CCDC3: variants seen among roughly 807,000 people sequenced by gnomAD.
The protein encoded by CCDC3 is coiled-coil domain containing 3.
A neutral mutation model predicts 21.4 loss-of-function variants in CCDC3; 24 were observed. The observed-to-expected ratio is 1.12, with a 90% CI of 0.81 to 1.58. CCDC3 has a LOEUF of 1.58. Ranked by LOEUF, CCDC3 falls within the 40% of genes most tolerant of loss-of-function variation. The pLI, the probability that CCDC3 is intolerant of heterozygous loss-of-function variation, is 0.00. For synonymous variants in CCDC3, 186 were observed against 166.0 expected (o/e 1.12, Z -0.93); for missense variants, 425 against 360.9 (o/e 1.18, Z -1.44).
chr10:12,957,691 T>C (rs530214796), intron 2 of CCDC3, among the ~76,000 whole-genome samples: 2 of 152,290 alleles, frequency 1.3e-5, no homozygotes, highest in Non-Finnish European at 1.5e-5. Flanking sequence ...CCTACCTCCC[T>C]CGTTGTTCTG....
chr10:12,919,958 C>T (rs116286959), intron 2 of CCDC3, among the ~76,000 whole-genome samples: 1 of 152,034 alleles, frequency 6.6e-6, no homozygotes, highest in East Asian at 1.9e-4. Flanking sequence ...GCTCCCCAGC[C>T]ACCAGTCACA....
chr10:12,986,076 C>T (rs115756429), intron 2 of CCDC3, among the ~76,000 whole-genome samples: 4,844 of 152,280 alleles, frequency 0.032, 271 homozygotes, highest in African/African-American at 0.11. Flanking sequence ...GACAGGATTA[C>T]AGGCGTGAGC....
intron 5 of CCDC3, among the ~76,000 whole-genome samples, chr10:13,047,755 G>A (rs1457900854): frequency 1.3e-5 from 2 of 152,110 alleles, no homozygotes; most frequent in Non-Finnish European, 2.9e-5. Flanking sequence ...CTCTCCAGAG[G>A]GACTAAGGCC....
At chr10:12,916,635 T>C (rs915610134) in intron 2 of CCDC3, among the ~76,000 whole-genome samples, 2 of 150,282 alleles carry the variant, frequency 1.3e-5, no homozygotes, top group African/African-American at 4.9e-5. Flanking sequence ...AAAAAAAAAA[T>C]TGCCAGCCTG....
Position 12,898,455 on chromosome 10 carries a change from A to T in CCDC3, c.774T>A (p.Asn258Lys), listed in dbSNP as rs10906249. 1.2e-6 allele frequency: 2 copies of T among 1,610,726 alleles called. No individual in the cohort carries two copies. Among genetic ancestry groups the T allele is most frequent in the South Asian group, 2.2e-5 (2 of 90,990 alleles). Residue 258 changes from asparagine (N) to lysine (K), a missense_variant, in exon 3 of 3, where the codon AAT becomes AAA. Asn to Lys is a moderately conservative substitution (Grantham distance 94). Coordinates refer to ENST00000378825, the MANE Select transcript of CCDC3 (RefSeq NM_031455.4). ...KLAAGALPHI[N>K]ARGPVRPPYL... ...AGGGGGGGCGCACGGGCCCCCGGGC[A>T]TTGATGTGCGGCAGCGCGCCCGCCG... is the stretch of plus-strand genomic sequence containing the variant.
chr10:12,943,277 C>T (rs908626273), intron 2 of CCDC3, among the ~76,000 whole-genome samples: 2 of 152,018 alleles, frequency 1.3e-5, no homozygotes, highest in Admixed American at 6.5e-5. Context: ...TCTAAGCACC[C>T]CCCCGCAAAC....
chr10:13,028,121 A>G (rs1397770240), intron 5 of CCDC3, among the ~76,000 whole-genome samples: 1 of 152,198 alleles, frequency 6.6e-6, no homozygotes, highest in Non-Finnish European at 1.5e-5. Flanking sequence ...GTCTTGAATT[A>G]CAGCTCCCAT....
At chr10:12,963,872 C>A (rs1835217843) in intron 2 of CCDC3, among the ~76,000 whole-genome samples, 1 of 152,130 alleles carries the variant, frequency 6.6e-6, no homozygotes, top group African/African-American at 2.4e-5. Context: ...CGTGAGCCAC[C>A]AAGCCTGGCC....
At chr10:12,947,152 T>G (rs1564294411) in intron 2 of CCDC3, among the ~76,000 whole-genome samples, 4 of 151,716 alleles carry the variant, frequency 2.6e-5, no homozygotes, top group Non-Finnish European at 4.4e-5. Flanking sequence ...ACTTTTTTTT[T>G]TTTTTGTTTT....
chr10:12,929,802 G>A (rs1227348347), intron 2 of CCDC3, among the ~76,000 whole-genome samples: 1 of 152,140 alleles, frequency 6.6e-6, no homozygotes, highest in Non-Finnish European at 1.5e-5. Context: ...GTAGTTTAAT[G>A]CAATGGGGCG....
At chr10:12,973,569 G>A (rs977152219) in intron 2 of CCDC3, among the ~76,000 whole-genome samples, 2 of 152,206 alleles carry the variant, frequency 1.3e-5, no homozygotes, top group South Asian at 2.1e-4. Flanking sequence ...AAGGTCATAC[G>A]CAGTGATTAC....
intron 2 of CCDC3, among the ~76,000 whole-genome samples, chr10:12,986,945 CAGTAT>C (rs139921468): frequency 0.013 from 1,904 of 152,220 alleles, 46 homozygotes; most frequent in African/African-American, 0.043. Context: ...ACACCACACA[CAGTAT>C]AGTCACAAAT....
At chr10:12,970,515 C>T (rs769724848) in intron 2 of CCDC3, among the ~76,000 whole-genome samples, 25 of 152,216 alleles carry the variant, frequency 1.6e-4, no homozygotes, top group Middle Eastern at 3.4e-3. Flanking sequence ...CATTCTACAA[C>T]GTATACATAT....
At chr10:12,989,525 G>T (rs565909266) in intron 2 of CCDC3, among the ~76,000 whole-genome samples, 1 of 152,136 alleles carries the variant, frequency 6.6e-6, no homozygotes, top group South Asian at 2.1e-4. Context: ...GGGTTCAAGC[G>T]ACTCTCATGC....
chr10:13,067,547 T>C (rs976220100), intron 4 of CCDC3, among the ~76,000 whole-genome samples: 2 of 152,182 alleles, frequency 1.3e-5, no homozygotes, highest in Non-Finnish European at 2.9e-5. Context: ...GTATGGTGAG[T>C]AGCAAACCTT....
At chr10:12,991,592 C>T (rs1835683808) in intron 2 of CCDC3, among the ~76,000 whole-genome samples, 1 of 152,134 alleles carries the variant, frequency 6.6e-6, no homozygotes, top group Non-Finnish European at 1.5e-5. Flanking sequence ...CCTCAGCCCC[C>T]CAAATTGCTG....
chr10:12,901,545 G>T (rs1834091952), intron 2 of CCDC3, among the ~76,000 whole-genome samples: 1 of 152,094 alleles, frequency 6.6e-6, no homozygotes, highest in East Asian at 1.9e-4. Flanking sequence ...AGTGCTGGGA[G>T]TACAGGCGTA....
rs547817026 is a variant in CCDC3 at position 13,076,848 on chromosome 10, T to G, written c.-502-2748A>C. 5.9e-5 allele frequency among the ~76,000 whole-genome samples: 9 copies of G among 152,298 alleles called. No homozygotes were observed. The East Asian group carries it at 1.5e-3, about 26-fold the overall frequency. On this transcript the variant is annotated intron_variant, in intron 3 of 6. Coordinates refer to the CCDC3 transcript ENST00000378839. ...TTGTCAGCCAATCGGGTTCAGTTTA[T>G]ATTGTGAGGTCTGGCTCCAGCCAAT...
rs574835150 is a variant in CCDC3 at position 13,079,084 on chromosome 10, C to T, written c.-502-4984G>A. On this transcript the variant is annotated intron_variant, in intron 3 of 6. Coordinates refer to the CCDC3 transcript ENST00000378839. ...CCATTATTCCATCTGCGAGGAGCAC[C>T]CTTTCTGCAGAAAGTAAAATTACCT... 3.9e-5 allele frequency among the ~76,000 whole-genome samples: 6 copies of T among 152,294 alleles called. No individual in the cohort carries two copies. The South Asian group carries it at 1.2e-3, about 32-fold the overall frequency.
Sources: gnomAD v4.1 joint callset for allele counts (sites outside exome capture counted in the v4.1 genomes callset) on GRCh38, gnomAD v4.1.1 for gene constraint, MANE v1.5 for transcripts, NCBI Gene and HGNC (gene_info 2026-07-23, HGNC 2026-07-21) for gene names.